CADPS: variants seen among roughly 807,000 people sequenced by gnomAD.
The protein encoded by CADPS is calcium dependent secretion activator.
A neutral mutation model predicts 167.3 loss-of-function variants in CADPS; 57 were observed. The observed-to-expected ratio is 0.34, with a 90% CI of 0.28 to 0.42. CADPS has a LOEUF of 0.42. CADPS is among the 20% of genes least tolerant of loss of function. CADPS has a pLI of 1.00. For synonymous variants in CADPS, 676 were observed against 635.3 expected (o/e 1.06, Z -0.96); for missense variants, 1,414 against 1,738.1 (o/e 0.81, Z 3.32).
intron 2 of CADPS, among the ~76,000 whole-genome samples, chr3:62,758,645 G>A (rs2084608188): frequency 6.6e-6 from 1 of 152,200 alleles, no homozygotes; most frequent in African/African-American, 2.4e-5. Flanking sequence ...TTTAGTGGCT[G>A]CCACAAGAGA....
At position 62,446,036 on chromosome 3, in the gene CADPS, G is replaced by A. The variant is rs1221481046; in HGVS notation, c.3637-239C>T. Among the ~76,000 whole-genome samples the A allele has an allele frequency of 6.6e-6, 1 of 152,170 alleles. No homozygotes were observed. Among genetic ancestry groups the A allele is most frequent in the Admixed American group, 6.5e-5 (1 of 15,270 alleles). ...TGATTCAGATTCTGTTGCTGGAGCG[G>A]GAGCTTTACATTTTCCTCCCTCCCT... On this transcript the variant is annotated intron_variant, in intron 26 of 29. Transcript: ENST00000383710. The surrounding 1 kb of genome is among the most constrained non-coding windows in gnomAD (Gnocchi z 4.9).
At chr3:62,720,633 C>T (rs140156749) in intron 3 of CADPS, among the ~76,000 whole-genome samples, 2 of 151,966 alleles carry the variant, frequency 1.3e-5, no homozygotes, top group African/African-American at 2.4e-5. Context: ...GCCACTGCAC[C>T]TGGCCCTAGG....
chr3:62,757,591 A>G (rs546205680), intron 2 of CADPS, among the ~76,000 whole-genome samples: 1 of 152,190 alleles, frequency 6.6e-6, no homozygotes, highest in Non-Finnish European at 1.5e-5. Context: ...TTGGTCTCTT[A>G]AAACAAGAGA....
intron 6 of CADPS, among the ~76,000 whole-genome samples, chr3:62,599,919 A>AATATATTATATATATATTATAT (rs2059707344): frequency 1.1e-5 from 1 of 94,150 alleles, no homozygotes; most frequent in Non-Finnish European, 2.0e-5. Flanking sequence ...TATAATATAC[A>AATATATTATATATATATTATAT]ATATATTATA....
rs1210151912 is a variant in CADPS at position 62,753,114 on chromosome 3, T to G, written c.888+327A>C. ...GGCAAACACCAAAGGCAGAACCATATTTTTTAAAAAATTGATTTTTAGCAC... is the reference window on the plus strand; with the variant it reads ...GGCAAACACCAAAGGCAGAACCATAGTTTTTAAAAAATTGATTTTTAGCAC... On this transcript the variant is annotated intron_variant, in intron 3 of 29. Transcript: ENST00000383710. The surrounding 1 kb of genome is among the most constrained non-coding windows in gnomAD (Gnocchi z 4.6). Among the ~76,000 whole-genome samples the G allele has an allele frequency of 6.6e-6, 1 of 152,208 alleles. No homozygotes were observed. The highest frequency in any genetic ancestry group is 1.5e-5 in the Non-Finnish European group (1 of 68,038).
At position 62,547,592 on chromosome 3, in the gene CADPS, C is replaced by G. The variant is rs145358426; in HGVS notation, c.1966+2311G>C. Among the ~76,000 whole-genome samples, 965 of 103,386 alleles carry G rather than the reference C, an allele frequency of 9.3e-3. 124 individuals are homozygous for G. The highest frequency in any genetic ancestry group is 0.04 in the South Asian group (97 of 2,426). The allele number at this position is 103,386 out of a possible 152,430, so 67.8% of individuals were successfully genotyped here. ...TAGGGATGATATCATTTACGCCCCC[C>G]CCCCCCCGCAAATTCTAACTCTTAG... On this transcript the variant is annotated intron_variant, in intron 11 of 29. Coordinates refer to ENST00000383710, the MANE Select transcript of CADPS (RefSeq NM_003716.4).
intron 6 of CADPS, among the ~76,000 whole-genome samples, chr3:62,623,689 A>C (rs1224524754): frequency 6.6e-6 from 1 of 152,106 alleles, no homozygotes; most frequent in African/African-American, 2.4e-5. Context: ...TTCTGAGCTA[A>C]CCCTTAGGTA....
chr3:62,467,341 G>GA (rs754538373), intron 24 of CADPS: 2,169 of 1,179,188 alleles, frequency 1.8e-3, no homozygotes, highest in Admixed American at 2.5e-3. Flanking sequence ...ATTAGGAACA[G>GA]AAAAAAAAAG....
In CADPS at chr3:62,491,412, C is replaced by T. The variant is rs2063669525; in HGVS notation, c.2953G>A (p.Val985Met). 6.2e-7 allele frequency: 1 copy of T among 1,614,166 alleles called. No individual in the cohort carries two copies. The highest frequency in any genetic ancestry group is 8.5e-7 in the Non-Finnish European group (1 of 1,179,996). Reference sequence around the variant, plus strand: ...GCAATTGAGGACTCCATCAGATCCACATATCTAACAACAAGTGGGGCAAAC... The same window carrying T: ...GCAATTGAGGACTCCATCAGATCCATATATCTAACAACAAGTGGGGCAAAC... Reference protein sequence around the residue: ...DLFAPLVVRYVDLMESSIAQS... With the variant: ...DLFAPLVVRYMDLMESSIAQS... Residue 985 changes from valine (V) to methionine (M), a missense_variant, in exon 21 of 30, where the codon GTG becomes ATG. This residue lies in a region of CADPS where 529 missense variants were observed against 629.6 expected (regional missense o/e 0.84). Coordinates refer to ENST00000383710, the MANE Select transcript of CADPS (RefSeq NM_003716.4).
At chr3:62,635,388 T>C (rs2066088813) in intron 6 of CADPS, among the ~76,000 whole-genome samples, 1 of 152,138 alleles carries the variant, frequency 6.6e-6, no homozygotes, top group Admixed American at 6.5e-5. Flanking sequence ...ACAAGAGCCC[T>C]CTTTTCATTC....
At chr3:62,512,287 C>G (rs2068012489) in intron 17 of CADPS, among the ~76,000 whole-genome samples, 1 of 152,134 alleles carries the variant, frequency 6.6e-6, no homozygotes, top group Non-Finnish European at 1.5e-5. Flanking sequence ...TCCATGCTTC[C>G]TGCTTTATCA....
chr3:62,548,923 A>C (rs1441133549), intron 11 of CADPS, among the ~76,000 whole-genome samples: 2 of 152,142 alleles, frequency 1.3e-5, no homozygotes, highest in Non-Finnish European at 2.9e-5. Context: ...TTATCTGTTC[A>C]CTTGTTTACT....
At chr3:62,825,637 A>G (rs2073903789) in intron 1 of CADPS, among the ~76,000 whole-genome samples, 1 of 152,190 alleles carries the variant, frequency 6.6e-6, no homozygotes, top group African/African-American at 2.4e-5. Flanking sequence ...TAGATGGTAA[A>G]TAATGGGGCT....
intron 13 of CADPS, among the ~76,000 whole-genome samples, chr3:62,520,903 C>T (rs897465480): frequency 6.6e-6 from 1 of 152,156 alleles, no homozygotes; most frequent in Non-Finnish European, 1.5e-5. Flanking sequence ...TGTTCATCGA[C>T]CCCTATAATT....
chr3:62,646,508 G>A (rs1025969809), intron 5 of CADPS, among the ~76,000 whole-genome samples: 1 of 152,030 alleles, frequency 6.6e-6, no homozygotes, highest in African/African-American at 2.4e-5. Context: ...CTGGCTTTTG[G>A]TTCAGCACTT....
intron 1 of CADPS, among the ~76,000 whole-genome samples, chr3:62,849,886 G>A (rs369125235): frequency 0.075 from 6,146 of 82,172 alleles, 367 homozygotes; most frequent in Middle Eastern, 0.14. Flanking sequence ...GGTAGAATTC[G>A]GCTGTGAATC....
chr3:62,801,109 G>C (rs2093735449), intron 1 of CADPS, among the ~76,000 whole-genome samples: 2 of 151,940 alleles, frequency 1.3e-5, no homozygotes, highest in South Asian at 4.2e-4. Context: ...CTGTAGAGTG[G>C]GCATTATACC....
intron 9 of CADPS, 142 bp downstream of exon 9, chr3:62,570,730 T>A: frequency 1.5e-6 from 1 of 680,180 alleles, no homozygotes; most frequent in South Asian, 1.8e-5. Context: ...CTCTGAATGG[T>A]GGTTACATGG....
chr3:62,667,640 C>T (rs12491817), intron 3 of CADPS, among the ~76,000 whole-genome samples: 38,908 of 151,992 alleles, frequency 0.26, 6,496 homozygotes, highest in East Asian at 0.71. Context: ...ACACAACACA[C>T]ATGAGCAAGA....
Sources: allele counts gnomAD v4.1 joint callset (sites outside exome capture counted in the v4.1 genomes callset), GRCh38; gene constraint gnomAD v4.1.1; regional missense constraint gnomAD v4.1.1; non-coding constraint Gnocchi (gnomAD v3.1); transcripts MANE v1.5; gene names NCBI Gene and HGNC (gene_info 2026-07-23, HGNC 2026-07-21).